Variants in SIPA1L2 observed in about 807,000 individuals in gnomAD.
The protein encoded by SIPA1L2 is signal-induced proliferation-associated 1-like protein 2.
SIPA1L2 carries 56 observed loss-of-function variants against 163.9 expected under a neutral mutation model. The observed-to-expected ratio is 0.34, with a 90% CI of 0.28 to 0.43. The LOEUF is 0.43. Among genes scored for constraint, SIPA1L2 ranks in the 20% least tolerant of loss-of-function variants. The probability of loss-of-function intolerance (pLI) is 1.00; values close to 1 mark genes in which losing one functional copy is unlikely to be tolerated. For missense variants in SIPA1L2, 1,974 were observed against 2,193.5 expected (o/e 0.90, Z 2.00); for synonymous variants, 877 against 865.7 (o/e 1.01, Z -0.23).
intron 14 of SIPA1L2, among the ~76,000 whole-genome samples, 172 bp from the exon 15 acceptor site, chr1:232,439,668 G>A (rs1662773858): frequency 1.3e-5 from 2 of 152,198 alleles, no homozygotes; most frequent in Non-Finnish European, 2.9e-5. Flanking sequence ...GTTTTGTGCA[G>A]AAGTCTCTAA....
chr1:232,625,670 C>A (rs918513441), intron 1 of SIPA1L2, among the ~76,000 whole-genome samples: 1 of 152,158 alleles, frequency 6.6e-6, no homozygotes, highest in Non-Finnish European at 1.5e-5. Flanking sequence ...GGTCACGTTA[C>A]ACCAAGAGCC....
chr1:232,429,955 C>T (rs1290874060), intron 16 of SIPA1L2, among the ~76,000 whole-genome samples: 1 of 152,134 alleles, frequency 6.6e-6, no homozygotes, highest in East Asian at 1.9e-4. Flanking sequence ...GTTCTAGTTT[C>T]TATATACGTT....
chr1:232,625,184 T>G (rs1283192079), intron 1 of SIPA1L2, among the ~76,000 whole-genome samples: 1 of 152,220 alleles, frequency 6.6e-6, no homozygotes, highest in African/African-American at 2.4e-5. Context: ...AGTTATAAGA[T>G]ATGAAGAGCA....
intron 2 of SIPA1L2, among the ~76,000 whole-genome samples, chr1:232,546,775 A>C (rs1658054864): frequency 6.6e-6 from 1 of 152,254 alleles, no homozygotes; most frequent in African/African-American, 2.4e-5. Context: ...ACATGTTGAC[A>C]GCGATATAGT....
rs573913991 is a variant in SIPA1L2 at position 232,474,233 on chromosome 1, C to A, written c.2086-2705G>T. On this transcript the variant is annotated intron_variant, in intron 7 of 22. Transcript: ENST00000674635. ...ACAATTTTCAGTGATGTCAAGAGAACCAACTTATTAGTGTCTTCAACTGCA... is the reference window on the plus strand; with the variant it reads ...ACAATTTTCAGTGATGTCAAGAGAAACAACTTATTAGTGTCTTCAACTGCA... Among the ~76,000 whole-genome samples the A allele has an allele frequency of 7.2e-5, 11 of 152,258 alleles. No individual in the cohort carries two copies. The South Asian group carries it at 2.3e-3, about 32-fold the overall frequency.
chr1:232,581,430 C>T (rs776663779), intron 1 of SIPA1L2, among the ~76,000 whole-genome samples: 2 of 152,058 alleles, frequency 1.3e-5, no homozygotes, highest in Non-Finnish European at 1.5e-5. Flanking sequence ...CAGAGCTCAA[C>T]GTAGGGAAGG....
intron 1 of SIPA1L2, among the ~76,000 whole-genome samples, chr1:232,593,236 T>A (rs1348911569): frequency 6.6e-6 from 1 of 152,208 alleles, no homozygotes; most frequent in Admixed American, 6.5e-5. Flanking sequence ...CATAGAGATA[T>A]CTTTAAAATG....
At chr1:232,533,794 A>G (rs951033809) in intron 2 of SIPA1L2, among the ~76,000 whole-genome samples, 3 of 152,210 alleles carry the variant, frequency 2.0e-5, no homozygotes, top group Non-Finnish European at 2.9e-5. Flanking sequence ...ACACTTATCT[A>G]AAGCTGAACA....
At chr1:232,489,770 T>C (rs1293313625) in intron 5 of SIPA1L2, among the ~76,000 whole-genome samples, 2 of 152,258 alleles carry the variant, frequency 1.3e-5, no homozygotes. Flanking sequence ...ATTGTCACTG[T>C]CTTTTTAAAA....
At chr1:232,543,880 T>C (rs771206072) in intron 2 of SIPA1L2, among the ~76,000 whole-genome samples, 19 of 152,110 alleles carry the variant, frequency 1.2e-4, no homozygotes, top group Admixed American at 4.6e-4. Context: ...AAACAAAACA[T>C]ATAAAATATA....
At position 232,514,496 on chromosome 1, in the gene SIPA1L2, A is replaced by T. The variant is rs201598954; in HGVS notation, c.844T>A (p.Leu282Met). 4.3e-6 allele frequency: 7 copies of T among 1,613,918 alleles called. No individual in the cohort carries two copies. The highest frequency in any genetic ancestry group is 1.3e-5 in the African/African-American group (1 of 74,886). Reference sequence around the variant, plus strand: ...GATGTTTCCACCGACTCTGATTTCAACCTCCGTTTGAAAGGCTTGTCCCTG... The same window carrying T: ...GATGTTTCCACCGACTCTGATTTCATCCTCCGTTTGAAAGGCTTGTCCCTG... ...RDRDKPFKRR[L>M]KSESVETSLF... The change falls in exon 3 of 23, where the codon TTG becomes ATG. Residue 282 changes from leucine to methionine, a missense_variant. Around this residue, in one of 3 missense-constraint regions of SIPA1L2, gnomAD observed 607 missense variants for 624.0 expected, o/e 0.97. Coordinates refer to ENST00000674635, the MANE Select transcript of SIPA1L2 (RefSeq NM_020808.5).
At chr1:232,616,621 C>T (rs946158178) in intron 1 of SIPA1L2, among the ~76,000 whole-genome samples, 3 of 152,156 alleles carry the variant, frequency 2.0e-5, no homozygotes, top group Non-Finnish European at 2.9e-5. Context: ...CCTACCTGTC[C>T]GGACTTTGGG....
intron 1 of SIPA1L2, among the ~76,000 whole-genome samples, chr1:232,588,511 A>T (rs1660788238): frequency 6.6e-6 from 1 of 152,232 alleles, no homozygotes; most frequent in South Asian, 2.1e-4. Context: ...CCAATGCATG[A>T]TATTCAAAAT....
intron 2 of SIPA1L2, among the ~76,000 whole-genome samples, chr1:232,553,821 A>G (rs1658544277): frequency 6.6e-6 from 1 of 152,232 alleles, no homozygotes; most frequent in African/African-American, 2.4e-5. Flanking sequence ...GTACAAACAC[A>G]TATTTATATT....
chr1:232,559,591 G>C (rs1658915184), intron 2 of SIPA1L2, among the ~76,000 whole-genome samples: 1 of 152,008 alleles, frequency 6.6e-6, no homozygotes, highest in African/African-American at 2.4e-5. Context: ...TATATCAACA[G>C]AATATAATAC....
chr1:232,615,590 CA>C (rs1662460476), intron 1 of SIPA1L2, among the ~76,000 whole-genome samples: 2 of 152,194 alleles, frequency 1.3e-5, no homozygotes, highest in African/African-American at 4.8e-5. Context: ...TTCCATTCAT[CA>C]AGTGTCTCTT....
Position 232,574,621 on chromosome 1 carries a change from A to T in SIPA1L2, c.-318-399T>A, listed in dbSNP as rs1285682. Among the ~76,000 whole-genome samples the T allele has an allele frequency of 2.6e-5, 4 of 152,144 alleles. No individual in the cohort carries two copies. The South Asian group carries it at 8.3e-4, about 32-fold the overall frequency. ...TATTACCATCATTCTTAATTAATAAATATTTTCAAAATTTCTCAGTTTTAA... is the reference window on the plus strand; with the variant it reads ...TATTACCATCATTCTTAATTAATAATTATTTTCAAAATTTCTCAGTTTTAA... On this transcript the variant is annotated intron_variant, in intron 1 of 22. Transcript: ENST00000674635.
rs751791794 is a variant in SIPA1L2 at position 232,460,869 on chromosome 1, G to A, written c.3095+18C>T. The A allele has an allele frequency of 7.4e-5, 119 of 1,606,502 alleles. No homozygotes were observed. The highest frequency in any genetic ancestry group is 9.7e-5 in the Non-Finnish European group (114 of 1,174,906). ...GGCAAAGGAGGAGTGAGCATTACTT[G>A]GGCCTCCCACGCCTTACCTTCGGGG... On this transcript the variant is annotated intron_variant, in intron 10 of 22. Coordinates refer to ENST00000674635, the MANE Select transcript of SIPA1L2 (RefSeq NM_020808.5).
intron 1 of SIPA1L2, among the ~76,000 whole-genome samples, chr1:232,623,669 A>T (rs926288194): frequency 6.6e-6 from 1 of 152,164 alleles, no homozygotes; most frequent in Admixed American, 6.5e-5. Context: ...TTCTAAGGAG[A>T]ATAGCATCGC....
Sources: gnomAD v4.1 joint callset for allele counts (sites outside exome capture counted in the v4.1 genomes callset) on GRCh38, gnomAD v4.1.1 for gene constraint, gnomAD v4.1.1 regional missense constraint, MANE v1.5 for transcripts, NCBI Gene and HGNC (gene_info 2026-07-23, HGNC 2026-07-21) for gene names.